The following CSMD1 variants were observed in gnomAD, a reference collection of about 807,000 sequenced individuals.
CSMD1 encodes the protein CUB and Sushi multiple domains 1.
CSMD1 carries 213 observed loss-of-function variants against 417.5 expected under a neutral mutation model. The observed-to-expected ratio is 0.51, with a 90% confidence interval of 0.46 to 0.57. The LOEUF is 0.57. Among genes scored for constraint, CSMD1 ranks in the 20% least tolerant of loss-of-function variants. CSMD1 has a pLI of 0.00. For synonymous variants in CSMD1, 2,862 were observed against 1,736.8 expected, an observed-to-expected ratio of 1.65 and a Z score of -16.11; for missense variants, 6,923 against 4,529.7, an observed-to-expected ratio of 1.53 and a Z score of -15.17.
At chr8:4,075,992 G>C (rs1185358276) in intron 3 of CSMD1, among the ~76,000 whole-genome samples, 1 of 152,130 alleles carries the variant, frequency 6.6e-6, no homozygotes, top group East Asian at 1.9e-4. Context: ...TTCTTTCTCT[G>C]GGAGGGTGGA....
intron 1 of CSMD1, among the ~76,000 whole-genome samples, chr8:4,676,941 A>C (rs1021439442): frequency 2.0e-5 from 3 of 147,676 alleles, no homozygotes; most frequent in African/African-American, 7.4e-5. Context: ...TGATATATAT[A>C]GAGAAATTAT....
chr8:3,647,408 CAA>C (rs1797630928), intron 7 of CSMD1, among the ~76,000 whole-genome samples: 1 of 151,416 alleles, frequency 6.6e-6, no homozygotes, highest in Non-Finnish European at 1.5e-5. Context: ...AAATAGAACA[CAA>C]AGAGAAAAAC....
chr8:4,925,215 G>GTTTTTT (rs10692207), intron 1 of CSMD1, among the ~76,000 whole-genome samples: 950 of 72,710 alleles, frequency 0.013, 74 homozygotes, highest in East Asian at 0.027. Context: ...CAGTTTTATG[G>GTTTTTT]TTTTTTTTTT....
chr8:4,024,375 G>A (rs919179826), intron 4 of CSMD1, among the ~76,000 whole-genome samples: 1 of 152,138 alleles, frequency 6.6e-6, no homozygotes, highest in Non-Finnish European at 1.5e-5. Flanking sequence ...ATAAGAGTAT[G>A]GATACGCTGA....
chr8:4,264,670 G>A (rs1804123804), intron 3 of CSMD1, among the ~76,000 whole-genome samples: 2 of 152,036 alleles, frequency 1.3e-5, no homozygotes, highest in South Asian at 2.1e-4. Context: ...TCACCGAGGT[G>A]GTCATCCCCA....
intron 5 of CSMD1, among the ~76,000 whole-genome samples, chr8:3,861,195 C>T (rs535948617): frequency 6.6e-6 from 1 of 152,134 alleles, no homozygotes; most frequent in Non-Finnish European, 1.5e-5. Flanking sequence ...TTCTTGGCAA[C>T]GAGGTTCAGT....
At chr8:3,840,821 A>C (rs1396308297) in intron 5 of CSMD1, among the ~76,000 whole-genome samples, 1 of 151,418 alleles carries the variant, frequency 6.6e-6, no homozygotes, top group Non-Finnish European at 1.5e-5. Flanking sequence ...TCAACCTTCC[A>C]AGTAGCTGGG....
chr8:3,275,428 A>T (rs1165335173), intron 26 of CSMD1, among the ~76,000 whole-genome samples: 1 of 151,676 alleles, frequency 6.6e-6, no homozygotes, highest in Admixed American at 6.6e-5. Context: ...CTTCTCGAGG[A>T]GTATCTTTGT....
intron 4 of CSMD1, among the ~76,000 whole-genome samples, chr8:4,019,470 G>C (rs1198331372): frequency 7.3e-6 from 1 of 137,132 alleles, no homozygotes. Context: ...GCCCTTATTA[G>C]GGCCCACTGT....
intron 3 of CSMD1, among the ~76,000 whole-genome samples, chr8:4,094,310 G>T (rs1585301060): frequency 6.6e-6 from 1 of 152,086 alleles, no homozygotes; most frequent in Non-Finnish European, 1.5e-5. Flanking sequence ...GAATCAGCAG[G>T]CGACTGTAGG....
chr8:3,880,044 T>C (rs938001018), intron 5 of CSMD1, among the ~76,000 whole-genome samples: 1 of 145,550 alleles, frequency 6.9e-6, no homozygotes, highest in African/African-American at 2.7e-5. Context: ...CCTCGAAGAT[T>C]ATAAAAGATT....
intron 7 of CSMD1, among the ~76,000 whole-genome samples, chr8:3,687,359 C>G (rs1799992154): frequency 6.6e-6 from 1 of 152,198 alleles, no homozygotes; most frequent in Non-Finnish European, 1.5e-5. Flanking sequence ...TGTCCCCTTT[C>G]TATTAAAATC....
chr8:3,294,254 A>G (rs996092445), intron 25 of CSMD1, among the ~76,000 whole-genome samples: 1 of 152,114 alleles, frequency 6.6e-6, no homozygotes, highest in African/African-American at 2.4e-5. Flanking sequence ...CCTCCCAGTT[A>G]GGCTACTCAG....
chr8:3,809,591 G>A (rs1051400118), intron 5 of CSMD1, among the ~76,000 whole-genome samples: 2 of 151,810 alleles, frequency 1.3e-5, no homozygotes, highest in Non-Finnish European at 2.9e-5. Flanking sequence ...TAGATAGTTG[G>A]CCCCACCTGC....
intron 10 of CSMD1, among the ~76,000 whole-genome samples, chr8:3,495,615 AT>A (rs1233542701): frequency 1.3e-5 from 2 of 152,238 alleles, no homozygotes; most frequent in African/African-American, 4.8e-5. Context: ...TTGGTCTTGC[AT>A]AGACAGCTTT....
intron 5 of CSMD1, among the ~76,000 whole-genome samples, chr8:3,770,724 G>A (rs1406166611): frequency 6.6e-6 from 1 of 151,974 alleles, no homozygotes; most frequent in Non-Finnish European, 1.5e-5. Flanking sequence ...CATGATGGTA[G>A]CTCTCTTTCC....
intron 1 of CSMD1, among the ~76,000 whole-genome samples, chr8:4,924,941 T>C (rs984791751): frequency 6.6e-6 from 1 of 152,152 alleles, no homozygotes; most frequent in Non-Finnish European, 1.5e-5. Context: ...TCTTTTTCTG[T>C]ATTATGCAAC....
chr8:4,432,229 T>A (rs1276827329), intron 2 of CSMD1, among the ~76,000 whole-genome samples: 2 of 152,166 alleles, frequency 1.3e-5, no homozygotes, highest in Admixed American at 6.5e-5. Context: ...GTCAAATGGG[T>A]TATGAGAAAA....
intron 7 of CSMD1, among the ~76,000 whole-genome samples, chr8:3,684,031 G>A (rs1379655561): frequency 6.7e-6 from 1 of 150,218 alleles, no homozygotes; most frequent in Admixed American, 6.7e-5. Flanking sequence ...ACACCAAAGA[G>A]ACAGTCTTTC....
Sources: allele counts gnomAD v4.1 joint callset (sites outside exome capture counted in the v4.1 genomes callset), GRCh38; gene constraint gnomAD v4.1.1; transcripts MANE v1.5; gene names NCBI Gene and HGNC (gene_info 2026-07-23, HGNC 2026-07-21).